Variants in URB1 observed in about 807,000 individuals in gnomAD.
URB1 encodes the protein URB1 ribosome biogenesis factor.
In URB1, 197 loss-of-function variants were observed where a neutral mutation model predicts 242.3. That is an observed-to-expected ratio of 0.81 (90% CI 0.72 to 0.91). URB1 has a LOEUF of 0.91. URB1 is among the 40% of genes least tolerant of loss of function. URB1 has a pLI of 0.00. For missense variants in URB1, 2,721 were observed against 2,860.5 expected (o/e 0.95, Z 1.11); for synonymous variants, 1,153 against 1,201.8 (o/e 0.96, Z 0.84).
In URB1 at chr21:32,385,011, G is replaced by GAAAAGA. The variant is rs138920896; in HGVS notation, c.282+533_282+534insTCTTTT. 2.1e-4 allele frequency among the ~76,000 whole-genome samples: 21 copies of GAAAAGA among 100,700 alleles called. 1 individual carries two copies. Among genetic ancestry groups the GAAAAGA allele is most frequent in the South Asian group, 9.1e-4 (3 of 3,298 alleles). 66.1% of individuals were successfully genotyped at this position (100,700 alleles called of 152,430 possible). On this transcript the variant is annotated intron_variant, in intron 2 of 38. Transcript: ENST00000382751. Reference sequence around the variant, plus strand: ...TGAAAGAAAAGAAAAGAAAAGAAAAGAAAGAAAGAAAGAAAGAAAGAAAGA... The same window carrying GAAAAGA: ...TGAAAGAAAAGAAAAGAAAAGAAAAGAAAAGAAAAGAAAGAAAGAAAGAAAGAAAGA...
rs1030538527 is a variant in URB1, at chr21:32,374,704, C to T, written c.750+694G>A. On this transcript the variant is annotated intron_variant, in intron 6 of 38. Transcript: ENST00000382751. ...TAATTGTTATGGGGGCCATCCTGGG[C>T]ATTACAGGATGTTCGGCAGCATCCC... Among the ~76,000 whole-genome samples, 3 of 152,200 alleles carry T rather than the reference C, an allele frequency of 2.0e-5. No homozygotes were observed. In the East Asian group the frequency reaches 5.8e-4, roughly 29 times the overall value.
intron 4 of URB1, among the ~76,000 whole-genome samples, chr21:32,381,591 T>C (rs1227584139): frequency 6.6e-6 from 1 of 152,178 alleles, no homozygotes; most frequent in Non-Finnish European, 1.5e-5. Flanking sequence ...TGGATCCCGA[T>C]CTGAATCACA....
At position 32,347,469 on chromosome 21, in the gene URB1, G is replaced by A; in HGVS notation, c.3355C>T (p.Gln1119Ter). The change falls in exon 22 of 39, where the codon CAG becomes TAG. Residue 1119 changes from glutamine (Q) to a stop codon, truncating the protein, a stop_gained. Coordinates refer to ENST00000382751, the MANE Select transcript of URB1 (RefSeq NM_014825.3). LOFTEE classifies it high-confidence loss of function. The stretch of plus-strand genomic sequence containing the variant: ...AAGGCCAGGGTGACCTCACGGAGCT[G>A]GGCACCCTCCATGTATGGATGCAGC... ...QELHPYMEGA[Q>*]LREVTLALLS... The A allele has an allele frequency of 6.4e-7, 1 of 1,550,936 alleles. No homozygotes were observed. Among genetic ancestry groups the A allele is most frequent in the Non-Finnish European group, 8.7e-7 (1 of 1,146,614 alleles).
chr21:32,333,022 TAAA>T, intron 30 of URB1: 1 of 370,822 alleles, frequency 2.7e-6, no homozygotes, highest in Non-Finnish European at 5.0e-6. Flanking sequence ...CAGTAACTAA[TAAA>T]AATGCAGAAA....
chr21:32,387,620 G>C (rs1282662159), intron 1 of URB1, among the ~76,000 whole-genome samples: 1 of 97,556 alleles, frequency 1.0e-5, no homozygotes, highest in Admixed American at 9.4e-5. Context: ...AAAAAAAAAA[G>C]CAGAGGAAGG....
rs1199425183 is a variant in URB1, at chr21:32,334,275, C to G, written c.4745G>C (p.Arg1582Thr). ...EHHKTCRSLGRSLWQQPSVGD... is the reference protein window; with the variant it reads ...EHHKTCRSLGTSLWQQPSVGD... The stretch of plus-strand genomic sequence containing the variant: ...GACACTCGGCTGCTGCCACAGTGAC[C>G]TGCCCAGGCTCCGGCACGTCTTGTG... Residue 1582 changes from arginine to threonine, a missense_variant, in exon 29 of 39, where the codon AGG becomes ACG. Coordinates refer to ENST00000382751, the MANE Select transcript of URB1 (RefSeq NM_014825.3). 5 of 1,551,476 alleles carry G rather than the reference C, an allele frequency of 3.2e-6. No homozygotes were observed. The highest frequency in any genetic ancestry group is 4.4e-6 in the Non-Finnish European group (5 of 1,146,968).
chr21:32,390,418 G>A (rs371715845), intron 1 of URB1, among the ~76,000 whole-genome samples: 12 of 151,782 alleles, frequency 7.9e-5, no homozygotes, highest in African/African-American at 2.7e-4. Context: ...CTGCATAAAT[G>A]TCTTCTTTTG....
chr21:32,378,315 C>T, intron 5 of URB1, 130 bp downstream of exon 5: 1 of 783,256 alleles, frequency 1.3e-6, no homozygotes, highest in East Asian at 2.7e-5. Context: ...CCTCCCTGCC[C>T]CACATCCTTC....
chr21:32,366,242 G>A (rs1227149602), intron 10 of URB1, among the ~76,000 whole-genome samples: 1 of 152,212 alleles, frequency 6.6e-6, no homozygotes, highest in East Asian at 1.9e-4. Context: ...GTCCTACCAT[G>A]TCTGGAAATT....
rs1188285024 is a variant in URB1 at position 32,337,475 on chromosome 21, C to G, written c.4550G>C (p.Cys1517Ser). ...GTGGCTGCTCTCACAGACAGAGGGGCACATCTCCACCACCGTCAGCATCAG... is the reference window on the plus strand; with the variant it reads ...GTGGCTGCTCTCACAGACAGAGGGGGACATCTCCACCACCGTCAGCATCAG... ...VDLMLTVVEMCPSVCESSHFA... is the reference protein window; with the variant it reads ...VDLMLTVVEMSPSVCESSHFA... Residue 1517 changes from cysteine (C) to serine (S), a missense_variant, in exon 27 of 39, where the codon TGC becomes TCC. Physicochemically the swap from Cys to Ser is moderately radical, Grantham distance 112. Transcript: ENST00000382751. 4.5e-6 allele frequency: 7 copies of G among 1,551,102 alleles called. No homozygotes were observed. The highest frequency in any genetic ancestry group is 5.2e-6 in the Non-Finnish European group (6 of 1,146,756).
chr21:32,317,792 A>G lies in URB1; in HGVS notation c.5918T>C (p.Leu1973Pro). The G allele has an allele frequency of 6.4e-7, 1 of 1,551,962 alleles. No homozygotes were observed. Among genetic ancestry groups the G allele is most frequent in the Non-Finnish European group, 8.7e-7 (1 of 1,147,052 alleles). The stretch of plus-strand genomic sequence containing the variant: ...GAGGACAAGGACGTCCTTGGTGGAA[A>G]GCACTGTCTCATTTACGGTGAATCT... ...MNRFTVNETV[L>P]STKDVLVLLH... Residue 1973 changes from leucine (L) to proline (P), a missense_variant, in exon 37 of 39, where the codon CTT becomes CCT. Leu to Pro is a moderately conservative substitution (Grantham distance 98). Transcript: ENST00000382751.
intron 4 of URB1, among the ~76,000 whole-genome samples, chr21:32,382,759 G>A (rs898272438): frequency 6.6e-6 from 1 of 152,102 alleles, no homozygotes; most frequent in East Asian, 1.9e-4. Flanking sequence ...GCCAGCACAC[G>A]CGATGGGAGG....
chr21:32,320,485 CT>C, intron 35 of URB1, 45 bp downstream of exon 35: 1 of 1,400,668 alleles, frequency 7.1e-7, no homozygotes, highest in Non-Finnish European at 9.8e-7. Context: ...GTTTCTGTTC[CT>C]TTCCTTCCCA....
intron 28 of URB1, among the ~76,000 whole-genome samples, chr21:32,335,916 C>G (rs904880080): frequency 2.6e-5 from 4 of 152,252 alleles, no homozygotes; most frequent in Non-Finnish European, 5.9e-5. Flanking sequence ...ACTCCCTTCA[C>G]AGCCAGCCCT....
chr21:32,351,819 G>A (rs529932912), intron 19 of URB1, among the ~76,000 whole-genome samples: 11 of 152,194 alleles, frequency 7.2e-5, no homozygotes, highest in Non-Finnish European at 1.3e-4. Flanking sequence ...CCTACGTGTG[G>A]GGGAAGGTGG....
At chr21:32,376,811 TTTTGTTTG>T (rs35719368) in intron 5 of URB1, among the ~76,000 whole-genome samples, 87 of 150,436 alleles carry the variant, frequency 5.8e-4, no homozygotes, top group African/African-American at 1.8e-3. Flanking sequence ...CTAACTTTTG[TTTTGTTTG>T]TTTGTTTGTT....
At position 32,321,928 on chromosome 21, in the gene URB1, T is replaced by C; in HGVS notation, c.5357A>G (p.Lys1786Arg). 6.4e-7 allele frequency: 1 copy of C among 1,551,558 alleles called. No homozygotes were observed. The highest frequency in any genetic ancestry group is 8.7e-7 in the Non-Finnish European group (1 of 1,146,968). The change falls in exon 34 of 39, where the codon AAG becomes AGG. Residue 1786 changes from lysine (K) to arginine (R), a missense_variant. Lys to Arg is a conservative substitution (Grantham distance 26). Coordinates refer to ENST00000382751, the MANE Select transcript of URB1 (RefSeq NM_014825.3). Reference sequence around the variant, plus strand: ...CTGCCGCAGAACGCCAAACACCCACTTCTGCTCTGTTTTTTGCTATAACCC... The same window carrying C: ...CTGCCGCAGAACGCCAAACACCCACCTCTGCTCTGTTTTTTGCTATAACCC... ...SSDFEQKTEQ[K>R]WVFGVLRQGI... is the part of the protein sequence containing the mutation.
intron 30 of URB1, among the ~76,000 whole-genome samples, chr21:32,328,896 T>C (rs181623475): frequency 6.6e-6 from 1 of 152,320 alleles, no homozygotes; most frequent in African/African-American, 2.4e-5. Context: ...ACCTCATGAA[T>C]AGCAACGTGG....
rs1272185272 is a variant in URB1, at chr21:32,311,620, C to T, written c.*3298G>A. On this transcript the variant is annotated 3_prime_UTR_variant, in exon 39 of 39. Coordinates refer to ENST00000382751, the MANE Select transcript of URB1 (RefSeq NM_014825.3). ...GCAGGTGTGGCAGGAAACCCCCCAG[C>T]CCCACAGTATGGACTGTTCTGCAGC... 2 of 1,571,268 alleles carry T rather than the reference C, an allele frequency of 1.3e-6. No homozygotes were observed. The highest frequency in any genetic ancestry group is 1.7e-6 in the Non-Finnish European group (2 of 1,160,388).
Sources: gnomAD v4.1 joint callset for allele counts (sites outside exome capture counted in the v4.1 genomes callset) on GRCh38, gnomAD v4.1.1 for gene constraint, MANE v1.5 for transcripts, NCBI Gene and HGNC (gene_info 2026-07-23, HGNC 2026-07-21) for gene names.